Variants in ST6GALNAC3 observed in about 807,000 individuals in gnomAD.
ST6GALNAC3 encodes the protein alpha-N-acetylgalactosaminide alpha-2,6-sialyltransferase 3.
Under a neutral mutation model 32.7 loss-of-function variants are expected in ST6GALNAC3, and 25 were observed. The observed-to-expected ratio is 0.76, with a 90% CI of 0.56 to 1.07. The LOEUF (loss-of-function observed/expected upper bound fraction) is 1.07. Ranked by LOEUF, ST6GALNAC3 falls within the 50% of genes least tolerant of loss-of-function variation. The pLI is 0.00. For missense variants in ST6GALNAC3, 355 were observed against 382.4 expected, an observed-to-expected ratio of 0.93 and a Z score of 0.60; for synonymous variants, 129 against 133.1, an observed-to-expected ratio of 0.97 and a Z score of 0.21.
chr1:76,508,797 A>G (rs17099095), intron 3 of ST6GALNAC3, among the ~76,000 whole-genome samples: 10,393 of 152,184 alleles, frequency 0.068, 1,201 homozygotes, highest in African/African-American at 0.24. Flanking sequence ...ACACACTGTC[A>G]CTTTTACATT....
chr1:76,607,023 G>C (rs144226136), intron 3 of ST6GALNAC3, among the ~76,000 whole-genome samples: 2 of 152,094 alleles, frequency 1.3e-5, no homozygotes, highest in African/African-American at 4.8e-5. Context: ...GCAGACCTGG[G>C]CCTCTCATAA....
At chr1:76,215,859 A>C (rs1444512468) in intron 1 of ST6GALNAC3, among the ~76,000 whole-genome samples, 1 of 152,152 alleles carries the variant, frequency 6.6e-6, no homozygotes, top group East Asian at 1.9e-4. Flanking sequence ...CAGCTTCAGG[A>C]GATGGATGTA....
At chr1:76,114,265 A>T (rs1648302825) in intron 1 of ST6GALNAC3, among the ~76,000 whole-genome samples, 1 of 152,126 alleles carries the variant, frequency 6.6e-6, no homozygotes, top group African/African-American at 2.4e-5. Context: ...CAAAATATTA[A>T]CTATAGTAAG....
intron 1 of ST6GALNAC3, among the ~76,000 whole-genome samples, chr1:76,147,285 A>T (rs1650747808): frequency 6.6e-6 from 1 of 151,196 alleles, no homozygotes; most frequent in Admixed American, 6.6e-5. Flanking sequence ...CTGGTCTCGA[A>T]CTCCTGACCT....
chr1:76,264,359 T>C (rs1376776054), intron 1 of ST6GALNAC3, among the ~76,000 whole-genome samples: 1 of 152,140 alleles, frequency 6.6e-6, no homozygotes, highest in Non-Finnish European at 1.5e-5. Flanking sequence ...ACTATGTAGG[T>C]GTTATTAGTT....
intron 1 of ST6GALNAC3, among the ~76,000 whole-genome samples, chr1:76,101,606 T>G (rs903520492): frequency 6.6e-6 from 1 of 152,208 alleles, no homozygotes; most frequent in Non-Finnish European, 1.5e-5. Flanking sequence ...TTTCTTCTAC[T>G]TTCTTTTGTT....
chr1:76,471,592 A>G (rs1326197400), intron 3 of ST6GALNAC3, among the ~76,000 whole-genome samples: 1 of 152,026 alleles, frequency 6.6e-6, no homozygotes, highest in Non-Finnish European at 1.5e-5. Context: ...AGCACTTCAA[A>G]CCTAAGAGAG....
intron 2 of ST6GALNAC3, among the ~76,000 whole-genome samples, chr1:76,398,918 G>A (rs1484057661): frequency 3.3e-5 from 5 of 151,968 alleles, no homozygotes; most frequent in African/African-American, 1.2e-4. Context: ...TTAATTTCAG[G>A]TAACCTGGTA....
chr1:76,604,891 G>A (rs960974610), intron 3 of ST6GALNAC3, among the ~76,000 whole-genome samples: 5 of 152,112 alleles, frequency 3.3e-5, no homozygotes, highest in African/African-American at 1.2e-4. Flanking sequence ...TTGGCTTGAG[G>A]ATTAGAGATC....
At chr1:76,510,597 A>G (rs1190409803) in intron 3 of ST6GALNAC3, among the ~76,000 whole-genome samples, 1 of 152,218 alleles carries the variant, frequency 6.6e-6, no homozygotes, top group Admixed American at 6.5e-5. Context: ...CCTCTAGGCT[A>G]TGCACTATCT....
intron 2 of ST6GALNAC3, among the ~76,000 whole-genome samples, chr1:76,347,071 C>T (rs1298830088): frequency 2.0e-5 from 3 of 152,020 alleles, no homozygotes; most frequent in Non-Finnish European, 4.4e-5. Flanking sequence ...TCTAATGAGC[C>T]GTCCTAAGGG....
chr1:76,526,521 A>AT (rs1228794864), intron 3 of ST6GALNAC3, among the ~76,000 whole-genome samples: 1 of 151,902 alleles, frequency 6.6e-6, no homozygotes, highest in Non-Finnish European at 1.5e-5. Flanking sequence ...CTTTAAGTTG[A>AT]TTTTTTATCT....
intron 1 of ST6GALNAC3, among the ~76,000 whole-genome samples, chr1:76,172,390 G>A (rs1263543859): frequency 6.6e-6 from 1 of 152,096 alleles, no homozygotes; most frequent in African/African-American, 2.4e-5. Flanking sequence ...CATATTGAAT[G>A]GGCAAAAGCT....
intron 1 of ST6GALNAC3, among the ~76,000 whole-genome samples, chr1:76,101,682 T>C (rs1323536668): frequency 2.0e-5 from 3 of 152,226 alleles, no homozygotes; most frequent in African/African-American, 4.8e-5. Flanking sequence ...TTTGTCGTAA[T>C]GTATTTACAC....
chr1:76,598,024 G>T (rs1647164804), intron 3 of ST6GALNAC3, among the ~76,000 whole-genome samples: 1 of 152,134 alleles, frequency 6.6e-6, no homozygotes, highest in Admixed American at 6.6e-5. Flanking sequence ...TCACAGTTCT[G>T]CAGGCCGGGA....
chr1:76,466,848 T>C (rs1658666265), intron 3 of ST6GALNAC3, among the ~76,000 whole-genome samples: 1 of 152,074 alleles, frequency 6.6e-6, no homozygotes, highest in Non-Finnish European at 1.5e-5. Context: ...GCATATAAAA[T>C]TATTGCATAT....
At chr1:76,213,993 A>G (rs1655320160) in intron 1 of ST6GALNAC3, among the ~76,000 whole-genome samples, 1 of 152,168 alleles carries the variant, frequency 6.6e-6, no homozygotes. Context: ...AAAGGGATTA[A>G]ATATAATTGA....
At chr1:76,542,649 C>T (rs145861044) in intron 3 of ST6GALNAC3, among the ~76,000 whole-genome samples, 84 of 152,170 alleles carry the variant, frequency 5.5e-4, no homozygotes, top group African/African-American at 1.9e-3. Context: ...TAATCATTTC[C>T]CTAAGGACCA....
chr1:76,167,722 T>C (rs1016061140), intron 1 of ST6GALNAC3, among the ~76,000 whole-genome samples: 2 of 152,174 alleles, frequency 1.3e-5, no homozygotes, highest in African/African-American at 4.8e-5. Context: ...TGGGAGGGTG[T>C]ATATGTCCAG....
Sources: allele counts gnomAD v4.1 joint callset (sites outside exome capture counted in the v4.1 genomes callset), GRCh38; gene constraint gnomAD v4.1.1; transcripts MANE v1.5; gene names NCBI Gene and HGNC (gene_info 2026-07-23, HGNC 2026-07-21).